CRYBG3: variants seen among roughly 807,000 people sequenced by gnomAD.
CRYBG3 encodes crystallin beta-gamma domain containing 3, also known as very large A-kinase anchor protein.
In CRYBG3, 127 loss-of-function variants were observed where a neutral mutation model predicts 244.2. The observed-to-expected ratio is 0.52, with a 90% CI of 0.45 to 0.60. CRYBG3 has a LOEUF of 0.60. CRYBG3 is among the 20% of genes least tolerant of loss of function. The pLI is 0.00. For synonymous variants in CRYBG3, 1,132 were observed against 1,195.8 expected, an observed-to-expected ratio of 0.95 and a Z score of 1.10; for missense variants, 3,325 against 3,442.5, an observed-to-expected ratio of 0.97 and a Z score of 0.85.
intron 1 of CRYBG3, among the ~76,000 whole-genome samples, chr3:97,834,060 G>T (rs2038694443): frequency 6.6e-6 from 1 of 151,996 alleles, no homozygotes; most frequent in Non-Finnish European, 1.5e-5. Context: ...ATTCCTAAGG[G>T]ATTCACCCCC....
rs767304763 is a variant in CRYBG3, at chr3:97,873,548, T to C, written c.2354T>C (p.Leu785Ser). 6.5e-7 allele frequency: 1 copy of C among 1,535,536 alleles called. No homozygotes were observed. The highest frequency in any genetic ancestry group is 8.7e-7 in the Non-Finnish European group (1 of 1,146,822). ...ILSQDPNRVE[L>S]VSSNTKANMS... ...TCTCAAGACCCTAATAGAGTAGAGT[T>C]AGTGTCTTCAAACACTAAAGCAAAT... Residue 785 changes from leucine to serine, a missense_variant, in exon 4 of 22, where the codon TTA (leucine) becomes TCA (serine). Leu to Ser is a moderately radical substitution (Grantham distance 145). This residue lies in a region of CRYBG3 where 1,526 missense variants were observed against 1,443.2 expected (regional missense o/e 1.06). Transcript: ENST00000389622.
At chr3:97,827,047 T>C (rs1029671773) in intron 1 of CRYBG3, among the ~76,000 whole-genome samples, 2 of 152,226 alleles carry the variant, frequency 1.3e-5, no homozygotes, top group Non-Finnish European at 2.9e-5. Flanking sequence ...AACTGCACCA[T>C]CAAGGTGAAT....
intron 2 of CRYBG3, among the ~76,000 whole-genome samples, chr3:97,846,382 G>A (rs778238040): frequency 1.3e-5 from 2 of 152,018 alleles, no homozygotes; most frequent in East Asian, 1.9e-4. Flanking sequence ...AATATCTTCC[G>A]ATCCTTTGGT....
In CRYBG3 at chr3:97,872,247, G is replaced by A; in HGVS notation, c.1053G>A (p.Val351=). The A allele has an allele frequency of 2.6e-6, 4 of 1,535,830 alleles. No homozygotes were observed. The highest frequency in any genetic ancestry group is 3.5e-6 in the Non-Finnish European group (4 of 1,146,762). ...IERNRSSPSS[V]TNSSYDGESD... ...GAAATAGGTCATCCCCTTCTTCTGT[G>A]ACTAACTCCAGCTACGATGGAGAAT... The change falls in exon 4 of 22, where the codon GTG becomes GTA. Residue 351 remains valine (V), a synonymous_variant. Transcript: ENST00000389622.
Position 97,936,880 on chromosome 3 carries a change from C to T in CRYBG3, c.8477C>T (p.Thr2826Ile). The change falls in exon 19 of 22, where the codon ACA becomes ATA. Residue 2826 changes from threonine to isoleucine, a missense_variant. Transcript: ENST00000389622. Reference sequence around the variant, plus strand: ...TGGACAGCATTCAGCAGATGGAAAACAATTGGTTCCCTCCGTCCTATGAAG... The same window carrying T: ...TGGACAGCATTCAGCAGATGGAAAATAATTGGTTCCCTCCGTCCTATGAAG... ...PNWTAFSRWK[T>I]IGSLRPMKQP... 1 of 1,612,954 alleles carries T rather than the reference C, an allele frequency of 6.2e-7. No individual in the cohort carries two copies. Among genetic ancestry groups the T allele is most frequent in the Non-Finnish European group, 8.5e-7 (1 of 1,179,344 alleles).
chr3:97,906,971 G>T (rs1458629920), intron 15 of CRYBG3, among the ~76,000 whole-genome samples: 1 of 150,348 alleles, frequency 6.7e-6, no homozygotes, highest in East Asian at 2.0e-4. Flanking sequence ...GTTGAATTTT[G>T]TCAAAGGCTT....
intron 20 of CRYBG3, chr3:97,941,800 A>ATAGAACACTACTT (rs1342257579): frequency 1.3e-5 from 2 of 153,412 alleles, no homozygotes; most frequent in African/African-American, 4.8e-5. Flanking sequence ...TGCATTGGGA[A>ATAGAACACTACTT]TAGAACACTA....
At chr3:97,938,050 G>A (rs2040183721) in intron 19 of CRYBG3, among the ~76,000 whole-genome samples, 1 of 152,032 alleles carries the variant, frequency 6.6e-6, no homozygotes. Context: ...GAAAACCCAA[G>A]TGAAACTGTC....
chr3:97,870,905 A>G (rs2039294488), intron 3 of CRYBG3, among the ~76,000 whole-genome samples: 1 of 143,030 alleles, frequency 7.0e-6, no homozygotes, highest in Non-Finnish European at 1.6e-5. Flanking sequence ...TAATGTGACA[A>G]ATGTTGTGCT....
In CRYBG3 at chr3:97,863,195, G is replaced by A. The variant is rs1468203796; in HGVS notation, c.217-1022G>A. Among the ~76,000 whole-genome samples the A allele has an allele frequency of 2.0e-5, 3 of 152,140 alleles. No individual in the cohort carries two copies. In the East Asian group the frequency reaches 5.8e-4, roughly 29 times the overall value. On this transcript the variant is annotated intron_variant, in intron 2 of 21. Coordinates refer to ENST00000389622, the MANE Select transcript of CRYBG3 (RefSeq NM_153605.4). ...TTGAGCTTTCCTTTTATAAGGGCTA[G>A]TGAGCATAATAGGTGACAGAGACTG...
At chr3:97,925,065 C>A (rs1407067354) in intron 17 of CRYBG3, among the ~76,000 whole-genome samples, 2 of 151,956 alleles carry the variant, frequency 1.3e-5, no homozygotes, top group Non-Finnish European at 2.9e-5. Context: ...GGAGGCTGAC[C>A]TGGGAGGACT....
At chr3:97,837,479 G>A (rs977666152) in intron 1 of CRYBG3, among the ~76,000 whole-genome samples, 19 of 152,242 alleles carry the variant, frequency 1.2e-4, no homozygotes, top group Middle Eastern at 3.4e-3. Flanking sequence ...GTTCTCAACA[G>A]TATTGCTGAT....
At chr3:97,855,613 A>C (rs2108191198) in intron 2 of CRYBG3, among the ~76,000 whole-genome samples, 1 of 152,264 alleles carries the variant, frequency 6.6e-6, no homozygotes, top group African/African-American at 2.4e-5. Flanking sequence ...ATAGTCACGT[A>C]GATTCTTTTC....
chr3:97,937,124 T>G (rs922368784), intron 19 of CRYBG3, among the ~76,000 whole-genome samples: 1 of 152,104 alleles, frequency 6.6e-6, no homozygotes. Context: ...AAAGCCTCAT[T>G]GGCCATGTTC....
At chr3:97,858,806 T>G (rs2039103481) in intron 2 of CRYBG3, among the ~76,000 whole-genome samples, 1 of 152,206 alleles carries the variant, frequency 6.6e-6, no homozygotes, top group Non-Finnish European at 1.5e-5. Flanking sequence ...TTTTAAGCAT[T>G]TCATAGATTT....
At chr3:97,826,234 G>T (rs1194181149) in intron 1 of CRYBG3, among the ~76,000 whole-genome samples, 2 of 152,134 alleles carry the variant, frequency 1.3e-5, no homozygotes, top group Non-Finnish European at 2.9e-5. Flanking sequence ...GTTCAATAAG[G>T]TGTCTACCAG....
At chr3:97,836,287 A>T (rs77584263) in intron 1 of CRYBG3, among the ~76,000 whole-genome samples, 1 of 152,054 alleles carries the variant, frequency 6.6e-6, no homozygotes, top group South Asian at 2.1e-4. Flanking sequence ...GCTAAAATAC[A>T]TACTGTTTGA....
At chr3:97,892,413 G>A (rs1234527366) in intron 10 of CRYBG3, among the ~76,000 whole-genome samples, 2 of 151,896 alleles carry the variant, frequency 1.3e-5, no homozygotes, top group African/African-American at 4.8e-5. Context: ...ACATCATATC[G>A]TCCCTTCTTA....
intron 8 of CRYBG3, among the ~76,000 whole-genome samples, chr3:97,887,715 C>T (rs958546479): frequency 6.6e-6 from 1 of 152,144 alleles, no homozygotes; most frequent in African/African-American, 2.4e-5. Flanking sequence ...GAGATAGCAC[C>T]ATTGCACTCC....
Sources: gnomAD v4.1 joint callset for allele counts (sites outside exome capture counted in the v4.1 genomes callset) on GRCh38, gnomAD v4.1.1 for gene constraint, gnomAD v4.1.1 regional missense constraint, MANE v1.5 for transcripts, NCBI Gene and HGNC (gene_info 2026-07-23, HGNC 2026-07-21) for gene names.